The following SLC25A26 variants were observed in gnomAD, a reference collection of about 807,000 sequenced individuals.
SLC25A26 encodes the protein solute carrier family 25 member 26.
In SLC25A26, 36 loss-of-function variants were observed where a neutral mutation model predicts 37.8. The observed-to-expected ratio is 0.95, with a 90% CI of 0.73 to 1.26. SLC25A26 has a LOEUF of 1.26. SLC25A26 is among the 50% of genes most tolerant of loss of function. The probability of loss-of-function intolerance (pLI) is 0.00; values close to 1 mark genes in which losing one functional copy is unlikely to be tolerated. For missense variants in SLC25A26, 390 were observed against 331.1 expected (o/e 1.18, Z -1.38); for synonymous variants, 129 against 122.5 (o/e 1.05, Z -0.35).
chr3:66,205,078 T>C (rs1393483178), intron 1 of SLC25A26, among the ~76,000 whole-genome samples: 1 of 152,230 alleles, frequency 6.6e-6, no homozygotes. Context: ...TACTGAAAGA[T>C]TAAGTTGTGC....
intron 1 of SLC25A26, among the ~76,000 whole-genome samples, chr3:66,171,769 C>A (rs574739945): frequency 6.6e-6 from 1 of 152,096 alleles, no homozygotes; most frequent in Non-Finnish European, 1.5e-5. Context: ...GGATTACAGG[C>A]GTGAGCCACT....
At chr3:66,349,185 T>A (rs767113503) in intron 6 of SLC25A26, among the ~76,000 whole-genome samples, 2 of 152,254 alleles carry the variant, frequency 1.3e-5, no homozygotes, top group Non-Finnish European at 2.9e-5. Context: ...ATGCTAAGAT[T>A]TAAAAATTCT....
intron 1 of SLC25A26, among the ~76,000 whole-genome samples, chr3:66,215,117 T>G (rs1189935945): frequency 1.3e-5 from 2 of 152,188 alleles, no homozygotes; most frequent in African/African-American, 4.8e-5. Flanking sequence ...AGATACTCTG[T>G]CTCAAAAACA....
upstream of SLC25A26, among the ~76,000 whole-genome samples, chr3:66,219,481 A>T (rs1459391744): frequency 6.6e-6 from 1 of 152,262 alleles, no homozygotes; most frequent in Non-Finnish European, 1.5e-5. Context: ...AGACTTTGAA[A>T]GACATTAATA....
At chr3:66,154,342 G>A (rs1367147228) in intron 1 of SLC25A26, among the ~76,000 whole-genome samples, 2 of 152,042 alleles carry the variant, frequency 1.3e-5, no homozygotes, top group Admixed American at 1.3e-4. Flanking sequence ...CCTAAAAATA[G>A]CACAGCCCAG....
At chr3:66,236,774 C>T (rs968250783) in intron 2 of SLC25A26, 74 bp downstream of exon 2, 1 of 1,119,562 alleles carries the variant, frequency 8.9e-7, no homozygotes, top group African/African-American at 1.6e-5. Flanking sequence ...GGTCTTACCC[C>T]CATAGAATTC....
rs953828109 is a variant in SLC25A26, at chr3:66,297,328, C to T, written c.453+33949C>T. 1.0e-3 allele frequency among the ~76,000 whole-genome samples: 111 copies of T among 106,448 alleles called. 3 individuals carry two copies. The highest frequency in any genetic ancestry group is 2.1e-4 in the Non-Finnish European group (10 of 48,642). 69.8% of individuals were successfully genotyped at this position (106,448 alleles called of 152,430 possible). On this transcript the variant is annotated intron_variant, in intron 5 of 9. Coordinates refer to ENST00000354883, the MANE Select transcript of SLC25A26 (RefSeq NM_001379210.1). ...GGTCAACAACAGTGAAACTCCATCT[C>T]AAAAAAAAAAAAAAAAAAAAGAATG...
At chr3:66,278,124 AG>A (rs1254418580) in intron 5 of SLC25A26, among the ~76,000 whole-genome samples, 1 of 152,164 alleles carries the variant, frequency 6.6e-6, no homozygotes, top group African/African-American at 2.4e-5. Flanking sequence ...AGTGTACTGT[AG>A]TTAATTTATT....
chr3:66,268,140 A>C (rs2073827263), intron 5 of SLC25A26, among the ~76,000 whole-genome samples: 1 of 152,250 alleles, frequency 6.6e-6, no homozygotes, highest in Non-Finnish European at 1.5e-5. Context: ...ATTGCATAGT[A>C]GTCCATTGTA....
chr3:66,342,721 A>T (rs949775989), intron 5 of SLC25A26, among the ~76,000 whole-genome samples: 3 of 152,036 alleles, frequency 2.0e-5, no homozygotes, highest in African/African-American at 7.2e-5. Context: ...TTTTATCCCT[A>T]TTTCACCTCG....
chr3:66,218,993 T>G (rs997739404), upstream of SLC25A26, among the ~76,000 whole-genome samples: 1 of 152,242 alleles, frequency 6.6e-6, no homozygotes. Context: ...TGTGAGGTAA[T>G]AGAAGTTTAT....
intron 1 of SLC25A26, among the ~76,000 whole-genome samples, chr3:66,178,678 A>G (rs1179119224): frequency 6.6e-6 from 1 of 152,164 alleles, no homozygotes; most frequent in East Asian, 1.9e-4. Context: ...GAGATTCTAG[A>G]TGTCTCTCAG....
At chr3:66,190,155 A>C (rs1448705647) in intron 1 of SLC25A26, among the ~76,000 whole-genome samples, 6 of 152,112 alleles carry the variant, frequency 3.9e-5, no homozygotes, top group Non-Finnish European at 7.3e-5. Context: ...ACAAAAACTA[A>C]TTTTAAAAAA....
chr3:66,179,658 C>T (rs555453810), intron 1 of SLC25A26, among the ~76,000 whole-genome samples: 2 of 152,016 alleles, frequency 1.3e-5, no homozygotes, highest in South Asian at 2.1e-4. Context: ...TATCGTCCCT[C>T]TATAGAACTA....
Position 66,370,589 on chromosome 3 carries a change from CAG to C in SLC25A26, c.695_696del (p.Gln232ArgfsTer28). 1.9e-6 allele frequency: 3 copies of C among 1,613,664 alleles called. No homozygotes were observed. The highest frequency in any genetic ancestry group is 1.1e-5 in the South Asian group (1 of 91,012). ...LSVLHGVWRS[Q>X]GLAGLFAGVF... ...TGTCCTGCATGGGGTCTGGCGGTCA[CAG>C]GGGCTGGCAGGGTAAGACGAGGAAT... is the stretch of plus-strand genomic sequence containing the variant. On this transcript the variant is annotated frameshift_variant, in exon 9 of 10. Transcript: ENST00000354883. LOFTEE classifies it high-confidence loss of function.
At chr3:66,354,650 A>G (rs768905973) in intron 6 of SLC25A26, among the ~76,000 whole-genome samples, 7 of 152,192 alleles carry the variant, frequency 4.6e-5, no homozygotes, top group Non-Finnish European at 1.0e-4. Flanking sequence ...AGTAATATAA[A>G]CAAGAATTAG....
chr3:66,278,509 A>G (rs1342173225), intron 5 of SLC25A26, among the ~76,000 whole-genome samples: 1 of 152,016 alleles, frequency 6.6e-6, no homozygotes, highest in Non-Finnish European at 1.5e-5. Flanking sequence ...CAGATAATAT[A>G]TTATTTAAAT....
chr3:66,209,037 G>GGTGTATGT (rs1576639329), intron 1 of SLC25A26, among the ~76,000 whole-genome samples: 1 of 15,752 alleles, frequency 6.3e-5, no homozygotes, highest in Non-Finnish European at 1.3e-4. Flanking sequence ...CCCATATAAA[G>GGTGTATGT]GTGTATATAT....
intron 1 of SLC25A26, among the ~76,000 whole-genome samples, chr3:66,207,764 TC>T (rs1281762592): frequency 2.0e-5 from 3 of 152,238 alleles, no homozygotes; most frequent in African/African-American, 7.2e-5. Flanking sequence ...TTTAAATCTT[TC>T]TTGTAACGCT....
Sources: gnomAD v4.1 joint callset for allele counts (sites outside exome capture counted in the v4.1 genomes callset) on GRCh38, gnomAD v4.1.1 for gene constraint, MANE v1.5 for transcripts, NCBI Gene and HGNC (gene_info 2026-07-23, HGNC 2026-07-21) for gene names.